The following ATAD2B variants were observed in gnomAD, a reference collection of about 807,000 sequenced individuals.
The protein encoded by ATAD2B is ATPase family AAA domain-containing protein 2B.
In ATAD2B, 40 loss-of-function variants were observed where a neutral mutation model predicts 167.6. The observed-to-expected ratio is 0.24, with a 90% confidence interval of 0.19 to 0.31. The LOEUF (loss-of-function observed/expected upper bound fraction) is 0.31, where lower values mean the gene tolerates loss of function less well. Ranked by LOEUF, ATAD2B falls within the 10% of genes least tolerant of loss-of-function variation. The pLI is 1.00. For missense variants in ATAD2B, 1,242 were observed against 1,757.2 expected (o/e 0.71, Z 5.24); for synonymous variants, 579 against 596.5 (o/e 0.97, Z 0.43).
Position 23,824,891 on chromosome 2 carries a change from T to C in ATAD2B, c.1820-1322A>G, listed in dbSNP as rs1190435456. Among the ~76,000 whole-genome samples the C allele has an allele frequency of 5.3e-5, 8 of 152,332 alleles. No individual in the cohort carries two copies. In the South Asian group the frequency reaches 6.2e-4, roughly 12 times the overall value. On this transcript the variant is annotated intron_variant, in intron 15 of 27. Transcript: ENST00000238789. ...ATGCCAGTAGGGGGAACCATTCCAA[T>C]AGTTATAGAATATTAGACCCTAACT...
the ATAD2B span, among the ~76,000 whole-genome samples, chr2:23,701,094 G>A: frequency 6.6e-6 from 1 of 152,128 alleles, no homozygotes; most frequent in African/African-American, 2.4e-5. Context: ...TTCCTGTGAA[G>A]AAAACTGAAA....
chr2:23,895,220 G>T (rs1313527495), intron 2 of ATAD2B, among the ~76,000 whole-genome samples: 1 of 152,010 alleles, frequency 6.6e-6, no homozygotes, highest in African/African-American at 2.4e-5. Flanking sequence ...TAAAGATTCT[G>T]ATTTCAATGT....
chr2:23,717,072 G>A, the ATAD2B span, among the ~76,000 whole-genome samples: 1 of 152,088 alleles, frequency 6.6e-6, no homozygotes. Context: ...GAGAAACCAG[G>A]ATGAAAAACC....
chr2:23,700,934 C>A, the ATAD2B span, among the ~76,000 whole-genome samples: 1 of 152,164 alleles, frequency 6.6e-6, no homozygotes, highest in Non-Finnish European at 1.5e-5. This position sits in a 1 kb window ranked among gnomAD's most constrained non-coding sequence, Gnocchi z 4.6. Flanking sequence ...TTGTCCTCAG[C>A]CCCCATGCAC....
chr2:23,835,511 G>A (rs759989708), intron 13 of ATAD2B, among the ~76,000 whole-genome samples: 11 of 152,236 alleles, frequency 7.2e-5, no homozygotes, highest in Non-Finnish European at 1.5e-4. Flanking sequence ...TTGGAAGGAT[G>A]AGGGGAAGGT....
At chr2:23,697,446 G>T in the ATAD2B span, 1 of 152,428 alleles carries the variant, frequency 6.6e-6, no homozygotes. Flanking sequence ...AGCTAAGATT[G>T]CCAGAGCCCC....
In ATAD2B at chr2:23,823,335, C is replaced by G; in HGVS notation, c.2054G>C (p.Arg685Thr). 6.2e-7 allele frequency: 1 copy of G among 1,613,866 alleles called. No homozygotes were observed. The highest frequency in any genetic ancestry group is 8.5e-7 in the Non-Finnish European group (1 of 1,179,804). The change falls in exon 16 of 28, where the codon AGA becomes ACA. Residue 685 changes from arginine to threonine, a missense_variant. Physicochemically the swap from Arg to Thr is moderately conservative, Grantham distance 71. Coordinates refer to ENST00000238789, the MANE Select transcript of ATAD2B (RefSeq NM_017552.4). ...LSPIIRPLLE[R>T]SFNNILAVLQ... ...GACTGCTAGGATGTTGTTGAAGCTT[C>G]TTTCCAGCAGTGGTCTTATGATGGG...
chr2:23,790,021 C>G (rs1344734190), intron 19 of ATAD2B, among the ~76,000 whole-genome samples: 1 of 152,116 alleles, frequency 6.6e-6, no homozygotes, highest in Non-Finnish European at 1.5e-5. Flanking sequence ...TTTAAAAGTT[C>G]ATAAAATTTC....
chr2:23,926,104 C>G (rs1341927539), intron 1 of ATAD2B, among the ~76,000 whole-genome samples: 1 of 152,224 alleles, frequency 6.6e-6, no homozygotes, highest in Non-Finnish European at 1.5e-5. Context: ...TGAACCACCC[C>G]CAAACTGAGA....
chr2:23,745,478 A>C (rs1193697635), downstream of ATAD2B, among the ~76,000 whole-genome samples: 2 of 151,676 alleles, frequency 1.3e-5, no homozygotes, highest in African/African-American at 4.8e-5. Flanking sequence ...GGAAGGAAGG[A>C]AGACTTGAAT....
chr2:23,706,432 C>T, the ATAD2B span: 1 of 1,374,086 alleles, frequency 7.3e-7, no homozygotes, highest in Non-Finnish European at 9.5e-7. Context: ...ATCTCCAGGG[C>T]CAAGTTGGAA....
chr2:23,825,469 G>C (rs1688111110), intron 15 of ATAD2B, among the ~76,000 whole-genome samples: 1 of 151,994 alleles, frequency 6.6e-6, no homozygotes, highest in African/African-American at 2.4e-5. Flanking sequence ...CTAGTGTCTC[G>C]TTTTATTTTC....
At chr2:23,758,393 AT>A (rs1172062934) in intron 24 of ATAD2B, among the ~76,000 whole-genome samples, 1 of 152,152 alleles carries the variant, frequency 6.6e-6, no homozygotes, top group African/African-American at 2.4e-5. Context: ...ACTGTTCCTA[AT>A]TTTCAACATC....
At chr2:23,742,160 C>T in the ATAD2B span, among the ~76,000 whole-genome samples, 1 of 152,084 alleles carries the variant, frequency 6.6e-6, no homozygotes, top group Non-Finnish European at 1.5e-5. Flanking sequence ...TCCTCAGGGA[C>T]CTAGAACTAG....
At chr2:23,829,821 A>G (rs1688779404) in intron 14 of ATAD2B, among the ~76,000 whole-genome samples, 1 of 152,220 alleles carries the variant, frequency 6.6e-6, no homozygotes, top group African/African-American at 2.4e-5. Flanking sequence ...GGCATTTAAT[A>G]CAAGGTATTT....
chr2:23,764,965 A>C (rs1677210153), intron 23 of ATAD2B, among the ~76,000 whole-genome samples: 1 of 152,202 alleles, frequency 6.6e-6, no homozygotes, highest in Non-Finnish European at 1.5e-5. Flanking sequence ...TGCTCTGAAC[A>C]TGCTTCAACC....
chr2:23,804,490 A>G (rs1232603057), intron 18 of ATAD2B, among the ~76,000 whole-genome samples: 2 of 152,150 alleles, frequency 1.3e-5, no homozygotes, highest in African/African-American at 2.4e-5. Flanking sequence ...TGTACTAGAG[A>G]AAGTGAAATA....
chr2:23,881,360 CTTT>C (rs11361642), intron 6 of ATAD2B, among the ~76,000 whole-genome samples: 165 of 80,208 alleles, frequency 2.1e-3, no homozygotes, highest in South Asian at 0.014. Flanking sequence ...GTGATCAATT[CTTT>C]TTTTTTTTTT....
rs1363028295 is a variant in ATAD2B, at chr2:23,749,026, T to C, written c.*3020A>G. On this transcript the variant is annotated 3_prime_UTR_variant, in exon 28 of 28. Transcript: ENST00000238789. Reference sequence around the variant, plus strand: ...AACAATGGCATTCAGCTACGGGACCTGACACTGAAGATACCTACTGAATAG... The same window carrying C: ...AACAATGGCATTCAGCTACGGGACCCGACACTGAAGATACCTACTGAATAG... The C allele has an allele frequency of 6.6e-6, 1 of 152,046 alleles. No individual in the cohort carries two copies. The highest frequency in any genetic ancestry group is 1.9e-4 in the East Asian group (1 of 5,196). The allele number at this position is 152,046 out of a possible 1,614,324, so 9.4% of individuals were successfully genotyped here.
Sources: gnomAD v4.1 joint callset for allele counts (sites outside exome capture counted in the v4.1 genomes callset) on GRCh38, gnomAD v4.1.1 for gene constraint, Gnocchi (gnomAD v3.1) non-coding constraint, MANE v1.5 for transcripts, NCBI Gene and HGNC (gene_info 2026-07-23, HGNC 2026-07-21) for gene names.